The following PRAMEF26 variants were observed in gnomAD, a reference collection of about 807,000 sequenced individuals.
The protein encoded by PRAMEF26 is PRAME family member 26.
At chr1:13,150,283 AG>A (rs1642968064) in intron 3 of PRAMEF26, 1 of 185,738 alleles carries the variant, frequency 5.4e-6, no homozygotes, top group African/African-American at 2.4e-5. Flanking sequence ...AAAAAAAAGG[AG>A]AAAAAATAAT....
At position 13,155,129 on chromosome 1, in the gene PRAMEF26, C is replaced by G. The variant is rs1158584325; in HGVS notation, c.-17+755G>C. The G allele has an allele frequency of 2.1e-5, 3 of 139,840 alleles. No individual in the cohort carries two copies. In the Admixed American group the frequency reaches 2.2e-4, roughly 10 times the overall value. The allele number at this position is 139,840 out of a possible 1,614,324, so 8.7% of individuals were successfully genotyped here. A position where few individuals can be genotyped will look rare whatever the true frequency, so the allele number is the denominator to read the frequency against. ...TGGTGTGAGCATGGCTCACTGCATC[C>G]TCAATCTTCTGGGCTAAAGTGATTC... On this transcript the variant is annotated intron_variant, in intron 1 of 3. Transcript: ENST00000624207.
chr1:13,155,336 T>C (rs1346038854), intron 1 of PRAMEF26: 1 of 121,176 alleles, frequency 8.3e-6, no homozygotes, highest in Non-Finnish European at 1.8e-5. Flanking sequence ...CTGGCCAGCA[T>C]GGTGAAACCC....
intron 3 of PRAMEF26, chr1:13,150,371 C>G (rs1385783016): frequency 9.7e-6 from 1 of 103,004 alleles, no homozygotes; most frequent in Non-Finnish European, 2.1e-5. Flanking sequence ...GCTCCCTTTC[C>G]TCATCTGTCA....
At chr1:13,150,274 A>G in intron 3 of PRAMEF26, 1 of 198,220 alleles carries the variant, frequency 5.0e-6, no homozygotes, top group Non-Finnish European at 1.0e-5. Context: ...GTATTAAAAA[A>G]AAAAAAGGAG....
chr1:13,155,258 GCT>G (rs1344507932), intron 1 of PRAMEF26: 1 of 142,500 alleles, frequency 7.0e-6, no homozygotes, highest in East Asian at 2.0e-4. Context: ...GTGGCTCATG[GCT>G]CTAATCCCAG....
intron 1 of PRAMEF26, 39 bp downstream of exon 1, chr1:13,155,845 G>C (rs1643001357): frequency 1.1e-5 from 1 of 87,446 alleles, no homozygotes; most frequent in Admixed American, 9.8e-5. Context: ...GCTGACTGTA[G>C]GTCAGATGGG....
intron 1 of PRAMEF26, 179 bp downstream of exon 1, chr1:13,155,705 C>CT (rs1386992718): frequency 1.1e-5 from 1 of 92,092 alleles, no homozygotes; most frequent in Non-Finnish European, 1.9e-5. Context: ...GCACAATCAA[C>CT]TTTTTTGAAA....
At chr1:13,150,360 A>G (rs1642969069) in intron 3 of PRAMEF26, 1 of 116,392 alleles carries the variant, frequency 8.6e-6, no homozygotes, top group Non-Finnish European at 1.8e-5. Flanking sequence ...GAATCCCTAA[A>G]GCTCCCTTTC....
At chr1:13,154,990 G>C (rs1343304616) in intron 1 of PRAMEF26, 10 of 76,702 alleles carry the variant, frequency 1.3e-4, no homozygotes, top group Non-Finnish European at 2.6e-5. Context: ...CTCCATTTGG[G>C]TGGAAGAGGA....
At chr1:13,155,165 G>C (rs1642992824) in intron 1 of PRAMEF26, 1 of 143,528 alleles carries the variant, frequency 7.0e-6, no homozygotes, top group African/African-American at 2.5e-5. Flanking sequence ...TCCCACACCA[G>C]CCACCCAAAT....
Position 13,155,239 on chromosome 1 carries a change from C to G in PRAMEF26, c.-17+645G>C, listed in dbSNP as rs1169681669. ...TTAAAAAAAAAAAAAAAGTAGAGGC[C>G]AAGCACCAGTGGCTCATGGCTCTAA... On this transcript the variant is annotated intron_variant, in intron 1 of 3. Transcript: ENST00000624207. The G allele has an allele frequency of 2.1e-5, 3 of 145,200 alleles. No homozygotes were observed. The East Asian group carries it at 5.8e-4, about 28-fold the overall frequency. 9.0% of individuals were successfully genotyped at this position (145,200 alleles called of 1,614,324 possible). A position where few individuals can be genotyped will look rare whatever the true frequency, so the allele number is the denominator to read the frequency against.
intron 3 of PRAMEF26, chr1:13,150,480 G>C (rs1642970249): frequency 1.5e-5 from 1 of 65,570 alleles, no homozygotes; most frequent in African/African-American, 4.3e-5. Context: ...GGGGTGGGCG[G>C]GCTGCAGGCG....
chr1:13,155,499 G>C (rs1253469593), intron 1 of PRAMEF26: 1 of 87,318 alleles, frequency 1.1e-5, no homozygotes, highest in Non-Finnish European at 2.2e-5. Flanking sequence ...ACTCCAGTCT[G>C]GGCAACACAG....
intron 1 of PRAMEF26, 86 bp downstream of exon 1, chr1:13,155,798 G>C (rs1643000786): frequency 9.9e-6 from 1 of 100,970 alleles, no homozygotes; most frequent in African/African-American, 7.0e-5. Flanking sequence ...ATATAGCTCT[G>C]TGCCATCGTA....
At chr1:13,154,759 T>C (rs1277999946) in intron 1 of PRAMEF26, 8 of 3,254 alleles carry the variant, frequency 2.5e-3, no homozygotes, top group Admixed American at 9.9e-3. Context: ...AGATGACAGT[T>C]CCTAAGAAAA....
rs1333274182 is a variant in PRAMEF26 at position 13,154,791 on chromosome 1, T to C, written c.-17+1093A>G. The C allele has an allele frequency of 4.7e-4, 4 of 8,538 alleles. No homozygotes were observed. The East Asian group carries it at 5.5e-3, about 12-fold the overall frequency. The allele number at this position is 8,538 out of a possible 1,614,324, so 0.5% of individuals were successfully genotyped here. On this transcript the variant is annotated intron_variant, in intron 1 of 3. Transcript: ENST00000624207. ...AAAACACAATAGTAATCTTCATATA[T>C]CCAGTGATTACCTGGGTGGCATAAT...
rs1340218538 is a variant in PRAMEF26 at position 13,155,887 on chromosome 1, A to G, written c.-20T>C. On this transcript the variant is annotated 5_prime_UTR_variant, in exon 1 of 4. Transcript: ENST00000624207. Reference sequence around the variant, plus strand: ...CTTACAGAAATTAATGACTTACCAGATCTGGATGTAGTTTAGAAGGTGCTC... The same window carrying G: ...CTTACAGAAATTAATGACTTACCAGGTCTGGATGTAGTTTAGAAGGTGCTC... 7.3e-5 allele frequency: 6 copies of G among 82,508 alleles called. No individual in the cohort carries two copies. Among genetic ancestry groups the G allele is most frequent in the Non-Finnish European group, 1.3e-4 (6 of 47,224 alleles). The allele number at this position is 82,508 out of a possible 1,614,324, so 5.1% of individuals were successfully genotyped here.
At chr1:13,150,490 G>A (rs1553179149) in intron 3 of PRAMEF26, 44 of 64,344 alleles carry the variant, frequency 6.8e-4, no homozygotes, top group Admixed American at 1.2e-3. Flanking sequence ...GGCTGCAGGC[G>A]TCCCTGACAC....
At chr1:13,150,499 A>G (rs1167516038) in intron 3 of PRAMEF26, 1 of 62,560 alleles carries the variant, frequency 1.6e-5, no homozygotes, top group Non-Finnish European at 3.7e-5. Flanking sequence ...CGTCCCTGAC[A>G]CGCCTGTATC....
Sources: gnomAD v4.1 joint callset for allele counts on GRCh38, gnomAD v4.1.1 for gene constraint, MANE v1.5 for transcripts, NCBI Gene and HGNC (gene_info 2026-07-23, HGNC 2026-07-21) for gene names.